The following PLXDC2 variants were observed in gnomAD, a reference collection of about 807,000 sequenced individuals.
PLXDC2 encodes the protein plexin domain-containing protein 2.
A neutral mutation model predicts 68.9 loss-of-function variants in PLXDC2; 40 were observed. The ratio of observed to expected loss-of-function variants is 0.58; its 90% CI spans 0.45 to 0.76. The LOEUF (loss-of-function observed/expected upper bound fraction) is 0.76. Among genes scored for constraint, PLXDC2 ranks in the 30% least tolerant of loss-of-function variants. The pLI is 0.00. For synonymous variants in PLXDC2, 243 were observed against 234.2 expected (o/e 1.04, Z -0.34); for missense variants, 644 against 661.9 (o/e 0.97, Z 0.30).
intron 4 of PLXDC2, among the ~76,000 whole-genome samples, chr10:20,083,959 C>T (rs1415675671): frequency 1.3e-5 from 2 of 152,076 alleles, no homozygotes; most frequent in Non-Finnish European, 2.9e-5. Context: ...AGTAAGTATC[C>T]CCATTTAATT....
intron 13 of PLXDC2, among the ~76,000 whole-genome samples, chr10:20,253,446 GC>G (rs1835705132): frequency 6.6e-6 from 1 of 151,496 alleles, no homozygotes; most frequent in South Asian, 2.1e-4. Flanking sequence ...CTTAAAGTGT[GC>G]CTAAATTAGA....
chr10:20,057,373 C>A (rs7095813), intron 3 of PLXDC2, among the ~76,000 whole-genome samples: 27,600 of 151,998 alleles, frequency 0.18, 2,921 homozygotes, highest in South Asian at 0.37. Flanking sequence ...TATATTTTAA[C>A]AATATTTTTT....
intron 1 of PLXDC2, among the ~76,000 whole-genome samples, chr10:19,990,207 G>C (rs1221469121): frequency 6.6e-6 from 1 of 152,012 alleles, no homozygotes; most frequent in Non-Finnish European, 1.5e-5. Flanking sequence ...CATGATTTCT[G>C]TCTTAGTACT....
At chr10:20,185,917 A>G (rs73605606) in intron 9 of PLXDC2, among the ~76,000 whole-genome samples, 3,936 of 152,084 alleles carry the variant, frequency 0.026, 181 homozygotes, top group African/African-American at 0.09. Flanking sequence ...ATAGACATTT[A>G]GAACTCACCA....
At chr10:20,004,053 C>T (rs1196160761) in intron 2 of PLXDC2, among the ~76,000 whole-genome samples, 3 of 152,150 alleles carry the variant, frequency 2.0e-5, no homozygotes, top group Non-Finnish European at 2.9e-5. Flanking sequence ...TTTTACTGCA[C>T]CACAATCCCT....
intron 12 of PLXDC2, among the ~76,000 whole-genome samples, chr10:20,240,778 G>T (rs1206808468): frequency 6.7e-6 from 1 of 150,196 alleles, no homozygotes; most frequent in Non-Finnish European, 1.5e-5. Flanking sequence ...AAAACTATGT[G>T]TGCAATTTTG....
At chr10:20,169,783 C>T (rs1207404149) in intron 7 of PLXDC2, among the ~76,000 whole-genome samples, 1 of 152,122 alleles carries the variant, frequency 6.6e-6, no homozygotes, top group African/African-American at 2.4e-5. Context: ...GTTAACACTC[C>T]CATGCAGGGC....
At chr10:19,818,999 C>T (rs1836410983) in intron 1 of PLXDC2, among the ~76,000 whole-genome samples, 1 of 150,278 alleles carries the variant, frequency 6.7e-6, no homozygotes, top group South Asian at 2.1e-4. Context: ...TAAACCTGTT[C>T]CAGTAACGTT....
chr10:19,903,133 TC>T (rs1380849966), intron 1 of PLXDC2, among the ~76,000 whole-genome samples: 4 of 152,130 alleles, frequency 2.6e-5, no homozygotes, highest in Non-Finnish European at 5.9e-5. Context: ...GTCTGTAGGT[TC>T]TTTTTTTTTG....
At chr10:19,855,582 T>G (rs1408844565) in intron 1 of PLXDC2, among the ~76,000 whole-genome samples, 1 of 152,230 alleles carries the variant, frequency 6.6e-6, no homozygotes, top group African/African-American at 2.4e-5. Context: ...TGCATTATAC[T>G]TAGAGGTTCA....
At chr10:20,255,122 A>G (rs963438766) in intron 13 of PLXDC2, among the ~76,000 whole-genome samples, 2 of 152,144 alleles carry the variant, frequency 1.3e-5, no homozygotes, top group African/African-American at 4.8e-5. Context: ...TTCCCTAATT[A>G]TTTCAATGCT....
chr10:19,890,591 G>C (rs1406359440), intron 1 of PLXDC2, among the ~76,000 whole-genome samples: 1 of 139,356 alleles, frequency 7.2e-6, no homozygotes, highest in Non-Finnish European at 1.5e-5. Flanking sequence ...TAGCCAGGAT[G>C]GTCTCAATCT....
chr10:20,102,077 A>G (rs941441614), intron 4 of PLXDC2, among the ~76,000 whole-genome samples: 3 of 152,158 alleles, frequency 2.0e-5, no homozygotes, highest in Non-Finnish European at 4.4e-5. Flanking sequence ...CTTAGATTAC[A>G]GGCATGAGCC....
chr10:20,005,423 G>A (rs7913119), intron 2 of PLXDC2, among the ~76,000 whole-genome samples: 40,773 of 151,992 alleles, frequency 0.27, 5,781 homozygotes, highest in East Asian at 0.51. Context: ...CACTAGTTGC[G>A]GAAACAAAAA....
At chr10:19,951,529 G>T (rs888045130) in intron 1 of PLXDC2, among the ~76,000 whole-genome samples, 10 of 152,218 alleles carry the variant, frequency 6.6e-5, no homozygotes, top group Admixed American at 2.6e-4. Flanking sequence ...GTGGAGAAAA[G>T]GGAATGCTTA....
intron 2 of PLXDC2, among the ~76,000 whole-genome samples, chr10:20,032,908 G>T (rs368312786): frequency 1.3e-5 from 2 of 151,296 alleles, no homozygotes; most frequent in Middle Eastern, 3.4e-3. Flanking sequence ...TTGTAAATAC[G>T]TGATTAATCA....
At chr10:20,096,226 T>G (rs1291397710) in intron 4 of PLXDC2, among the ~76,000 whole-genome samples, 1 of 152,186 alleles carries the variant, frequency 6.6e-6, no homozygotes, top group Non-Finnish European at 1.5e-5. Context: ...CGAATCTCTC[T>G]GTGCACGTTT....
intron 4 of PLXDC2, among the ~76,000 whole-genome samples, chr10:20,125,319 T>C (rs1833757686): frequency 1.3e-5 from 2 of 152,128 alleles, no homozygotes; most frequent in African/African-American, 2.4e-5. Flanking sequence ...CTAAGGAAGA[T>C]TGAAATGAAT....
chr10:19,857,041 G>A (rs1183938215), intron 1 of PLXDC2, among the ~76,000 whole-genome samples: 3 of 152,150 alleles, frequency 2.0e-5, no homozygotes, highest in African/African-American at 7.2e-5. Flanking sequence ...TTGTATGGCA[G>A]ATGTTCAGCC....
Sources: allele counts gnomAD v4.1 joint callset (sites outside exome capture counted in the v4.1 genomes callset), GRCh38; gene constraint gnomAD v4.1.1; transcripts MANE v1.5; gene names NCBI Gene and HGNC (gene_info 2026-07-23, HGNC 2026-07-21).